TBCB: variants seen among roughly 807,000 people sequenced by gnomAD.
TBCB encodes the protein tubulin-folding cofactor B.
TBCB carries 18 observed loss-of-function variants against 29.2 expected under a neutral mutation model. The observed-to-expected ratio is 0.62, with a 90% CI of 0.43 to 0.91. The LOEUF (loss-of-function observed/expected upper bound fraction) is 0.91. Among genes scored for constraint, TBCB ranks in the 40% least tolerant of loss-of-function variants. The pLI is 0.00. For missense variants in TBCB, 336 were observed against 337.6 expected (o/e 1.00, Z 0.04); for synonymous variants, 172 against 137.8 (o/e 1.25, Z -1.74).
chr19:36,120,830 G>C (rs762607735), intron 3 of TBCB, 24 bp downstream of exon 3: 1 of 1,610,466 alleles, frequency 6.2e-7, no homozygotes, highest in Non-Finnish European at 8.5e-7. Context: ...GGCGTCGAGG[G>C]GTGCGTGGGG....
intron 2 of TBCB, among the ~76,000 whole-genome samples, chr19:36,119,045 TTCATAGGCACC>T (rs924141991): frequency 6.6e-5 from 10 of 152,236 alleles, no homozygotes; most frequent in Non-Finnish European, 1.3e-4. Flanking sequence ...GGTGCGGGTG[TTCATAGGCACC>T]TCATAGGCAG....
chr19:36,123,229 G>A (rs1200120744), intron 4 of TBCB, among the ~76,000 whole-genome samples: 1 of 148,986 alleles, frequency 6.7e-6, no homozygotes, highest in East Asian at 2.0e-4. Context: ...TGGCTATTAT[G>A]AATAATGCTG....
At chr19:36,125,233 CAG>C (rs1459179561) in intron 4 of TBCB, among the ~76,000 whole-genome samples, 1 of 152,180 alleles carries the variant, frequency 6.6e-6, no homozygotes, top group East Asian at 1.9e-4. Flanking sequence ...GAATGGGGGA[CAG>C]GGGTGGAAGC....
chr19:36,115,451 A>G (rs1973929789), upstream of TBCB: 14 of 804,480 alleles, frequency 1.7e-5, no homozygotes, highest in Non-Finnish European at 2.6e-5. Context: ...TTGGTCAGGC[A>G]CGGAGCAGGA....
chr19:36,120,841 GC>G (rs766398720), intron 3 of TBCB, 35 bp downstream of exon 3: 1 of 1,602,602 alleles, frequency 6.2e-7, no homozygotes, highest in Non-Finnish European at 8.5e-7. Flanking sequence ...GTGCGTGGGG[GC>G]CAGAGGGAGT....
At chr19:36,123,636 G>A (rs932924004) in intron 4 of TBCB, among the ~76,000 whole-genome samples, 10 of 152,064 alleles carry the variant, frequency 6.6e-5, no homozygotes, top group Non-Finnish European at 1.3e-4. Context: ...CACTTTGGGA[G>A]GCCAAGGTGG....
chr19:36,124,628 C>T (rs1198666915), intron 4 of TBCB, among the ~76,000 whole-genome samples: 1 of 152,218 alleles, frequency 6.6e-6, no homozygotes, highest in East Asian at 1.9e-4. Flanking sequence ...GTTCCAACCT[C>T]CGCCTCCCGG....
At chr19:36,117,167 T>C (rs1448020222) in intron 2 of TBCB, among the ~76,000 whole-genome samples, 2 of 152,186 alleles carry the variant, frequency 1.3e-5, no homozygotes, top group Non-Finnish European at 2.9e-5. Context: ...TAGATTTTTG[T>C]GTTTACAAGT....
At chr19:36,125,411 A>G (rs753677773) in intron 4 of TBCB, 40 bp from the exon 5 acceptor site, 12 of 1,605,924 alleles carry the variant, frequency 7.5e-6, no homozygotes, top group African/African-American at 1.3e-5. Context: ...GATTTCTTCT[A>G]TGTCCAGAAG....
intron 2 of TBCB, among the ~76,000 whole-genome samples, chr19:36,118,142 CT>C (rs1414261124): frequency 6.6e-6 from 1 of 152,178 alleles, no homozygotes; most frequent in African/African-American, 2.4e-5. Context: ...AGAACTGCTT[CT>C]TTTTTCTCTC....
At position 36,123,563 on chromosome 19, in the gene TBCB, C is replaced by G. The variant is rs377048349; in HGVS notation, c.547+1845C>G. ...TACAGGTGTGAGCCACCATGCTAGG[C>G]CTGAACATTCTTTTATAAATTTCTG... On this transcript the variant is annotated intron_variant, in intron 4 of 5. Transcript: ENST00000221855. Among the ~76,000 whole-genome samples the G allele has an allele frequency of 1.9e-3, 283 of 152,164 alleles. 3 individuals are homozygous for G. Among genetic ancestry groups the G allele is most frequent in the African/African-American group, 6.7e-3 (278 of 41,554 alleles).
chr19:36,119,389 T>G (rs1974007363), intron 2 of TBCB, among the ~76,000 whole-genome samples: 1 of 152,016 alleles, frequency 6.6e-6, no homozygotes, highest in African/African-American at 2.4e-5. Context: ...ACATCCACTC[T>G]CATCAAATCC....
At chr19:36,115,041 T>C (rs1973920180), upstream of TBCB, 59 of 622,280 alleles carry the variant, frequency 9.5e-5, 3 homozygotes, top group South Asian at 1.1e-3. Context: ...CTTCAATCTT[T>C]TGATATCTTA....
At chr19:36,120,871 G>T (rs370055101) in intron 3 of TBCB, 65 bp downstream of exon 3, 4 of 1,523,872 alleles carry the variant, frequency 2.6e-6, no homozygotes, top group Admixed American at 1.8e-5. Flanking sequence ...GTATGAGGGC[G>T]GGCAGGTTAG....
At chr19:36,124,689 G>A (rs940505624) in intron 4 of TBCB, among the ~76,000 whole-genome samples, 5 of 152,100 alleles carry the variant, frequency 3.3e-5, no homozygotes, top group African/African-American at 4.8e-5. Context: ...AACTACAGGC[G>A]CCCGCCACCA....
At chr19:36,124,967 G>A (rs1353660453) in intron 4 of TBCB, among the ~76,000 whole-genome samples, 2 of 151,640 alleles carry the variant, frequency 1.3e-5, no homozygotes, top group African/African-American at 2.4e-5. Flanking sequence ...GGTGTTCTTT[G>A]AGTTCCTTGT....
At chr19:36,125,100 GA>G (rs1414681500) in intron 4 of TBCB, among the ~76,000 whole-genome samples, 5 of 152,212 alleles carry the variant, frequency 3.3e-5, no homozygotes, top group Non-Finnish European at 7.3e-5. Flanking sequence ...ATGGAGGCTA[GA>G]AGTTCAAGAT....
In TBCB at chr19:36,119,403, C is replaced by T. The variant is rs569517836; in HGVS notation, c.259-1307C>T. Among the ~76,000 whole-genome samples the T allele has an allele frequency of 5.9e-5, 9 of 152,250 alleles. No individual in the cohort carries two copies. In the East Asian group the frequency reaches 1.7e-3, roughly 30 times the overall value. On this transcript the variant is annotated intron_variant, in intron 2 of 5. Coordinates refer to ENST00000221855, the MANE Select transcript of TBCB (RefSeq NM_001281.3). ...CACATCCACTCTCATCAAATCCTCT[C>T]GGCTCCACCTACAAAAACTTCCCTG...
At chr19:36,115,993 G>A in intron 1 of TBCB, 48 bp from the exon 2 acceptor site, 2 of 1,596,496 alleles carry the variant, frequency 1.3e-6, no homozygotes, top group Non-Finnish European at 1.7e-6. Context: ...GATGCAAGGG[G>A]CGGGGCCTCC....
Sources: allele counts gnomAD v4.1 joint callset (sites outside exome capture counted in the v4.1 genomes callset), GRCh38; gene constraint gnomAD v4.1.1; transcripts MANE v1.5; gene names NCBI Gene and HGNC (gene_info 2026-07-23, HGNC 2026-07-21).